Variants in ABCA1 observed in about 807,000 individuals in gnomAD.
The protein encoded by ABCA1 is ATP binding cassette subfamily A member 1, also known as phospholipid-transporting ATPase ABCA1.
In ABCA1, 133 loss-of-function variants were observed where a neutral mutation model predicts 262.5. That is an observed-to-expected ratio of 0.51 (90% CI 0.44 to 0.59). The LOEUF is 0.59. Among genes scored for constraint, ABCA1 ranks in the 20% least tolerant of loss-of-function variants. The pLI, the probability that ABCA1 is intolerant of heterozygous loss-of-function variation, is 0.00. For synonymous variants in ABCA1, 1,022 were observed against 1,043.5 expected, an observed-to-expected ratio of 0.98 and a Z score of 0.40; for missense variants, 2,452 against 2,777.5, an observed-to-expected ratio of 0.88 and a Z score of 2.63.
intron 36 of ABCA1, 121 bp downstream of exon 36, chr9:104,799,698 A>G: frequency 6.3e-7 from 1 of 1,588,158 alleles, no homozygotes; most frequent in Non-Finnish European, 8.6e-7. Flanking sequence ...ATCAATCCAG[A>G]TTTATCATAA....
intron 17 of ABCA1, 182 bp downstream of exon 17, chr9:104,825,501 C>A: frequency 1.5e-6 from 1 of 680,386 alleles, no homozygotes; most frequent in Non-Finnish European, 2.6e-6. Context: ...GAAACAAGTG[C>A]TGTACAAGTA....
chr9:104,847,928 T>A (rs1327837860), intron 7 of ABCA1, among the ~76,000 whole-genome samples: 3 of 152,214 alleles, frequency 2.0e-5, no homozygotes, highest in Non-Finnish European at 2.9e-5. Context: ...TGTATAGACA[T>A]ACATACACAC....
intron 6 of ABCA1, among the ~76,000 whole-genome samples, chr9:104,860,499 T>C (rs1167755759): frequency 1.3e-5 from 2 of 152,188 alleles, no homozygotes; most frequent in African/African-American, 4.8e-5. Flanking sequence ...TTTTCAAGAA[T>C]AAACATTTCC....
At chr9:104,856,126 A>T in intron 7 of ABCA1, 1 of 1,555,148 alleles carries the variant, frequency 6.4e-7, no homozygotes, top group Admixed American at 1.9e-5. Context: ...CCAAGCAGCA[A>T]TAGAAAAAGG....
chr9:104,814,008 G>A (rs996001069), intron 27 of ABCA1, 110 bp downstream of exon 27: 32 of 1,104,430 alleles, frequency 2.9e-5, no homozygotes, highest in Non-Finnish European at 4.2e-5. Flanking sequence ...TTTGGACTCT[G>A]TAGGGATCTA....
intron 2 of ABCA1, among the ~76,000 whole-genome samples, chr9:104,890,666 A>G (rs1839646860): frequency 1.3e-5 from 2 of 151,942 alleles, no homozygotes; most frequent in South Asian, 2.1e-4. Flanking sequence ...TCCGGAGATC[A>G]TAGCTCACTG....
chr9:104,901,193 A>C (rs1840636498), intron 2 of ABCA1, among the ~76,000 whole-genome samples: 1 of 152,102 alleles, frequency 6.6e-6, no homozygotes, highest in South Asian at 2.1e-4. Flanking sequence ...AAGCAGCTGC[A>C]AAAAAATAAA....
chr9:104,927,624 C>T (rs1339139545), intron 1 of ABCA1: 1 of 152,428 alleles, frequency 6.6e-6, no homozygotes, highest in Non-Finnish European at 1.5e-5. Flanking sequence ...CAGCAGCGCC[C>T]TCAGCACGCC....
rs548587801 is a variant in ABCA1 at position 104,897,698 on chromosome 9, G to A, written c.66+5916C>T. ...GCTCACTGCAACTTCCACCTGCCAGGTTCAAGCAAATTCTCCTGCCTCACC... is the reference window on the plus strand; with the variant it reads ...GCTCACTGCAACTTCCACCTGCCAGATTCAAGCAAATTCTCCTGCCTCACC... On this transcript the variant is annotated intron_variant, in intron 2 of 49. Transcript: ENST00000374736. Among the ~76,000 whole-genome samples, 4 of 152,292 alleles carry A rather than the reference G, an allele frequency of 2.6e-5. No individual in the cohort carries two copies. The South Asian group carries it at 8.3e-4, about 32-fold the overall frequency.
intron 1 of ABCA1, among the ~76,000 whole-genome samples, chr9:104,926,009 C>T (rs975543528): frequency 8.3e-6 from 1 of 120,894 alleles, no homozygotes; most frequent in Non-Finnish European, 1.7e-5. Flanking sequence ...TTCTAAACTA[C>T]GGCCGTTAAA....
At chr9:104,785,316 C>T in intron 49 of ABCA1, 80 bp downstream of exon 49, 2 of 1,570,678 alleles carry the variant, frequency 1.3e-6, no homozygotes, top group Non-Finnish European at 1.7e-6. Context: ...ATACAAACTG[C>T]TCTTGGACCT....
At chr9:104,878,512 C>T (rs1188248239) in intron 5 of ABCA1, among the ~76,000 whole-genome samples, 5 of 152,152 alleles carry the variant, frequency 3.3e-5, no homozygotes, top group African/African-American at 7.2e-5. Context: ...GGGGTTTAGC[C>T]GTGATTTATT....
chr9:104,882,028 T>TAAA (rs557626075), intron 5 of ABCA1, among the ~76,000 whole-genome samples: 954 of 73,698 alleles, frequency 0.013, 51 homozygotes, highest in Non-Finnish European at 0.018. Context: ...TCTGTAGCCT[T>TAAA]AAAAAAAAAA....
intron 2 of ABCA1, among the ~76,000 whole-genome samples, chr9:104,893,962 T>C (rs1839990041): frequency 6.6e-6 from 1 of 152,212 alleles, no homozygotes; most frequent in African/African-American, 2.4e-5. Flanking sequence ...GTGTATCTCA[T>C]CTCCAGTATT....
rs1266215214 is a variant in ABCA1, at chr9:104,802,274, G to A, written c.4593-115C>T. 4.2e-6 allele frequency: 4 copies of A among 961,404 alleles called. No individual in the cohort carries two copies. In the African/African-American group the frequency reaches 4.9e-5, roughly 12 times the overall value. 59.6% of individuals were successfully genotyped at this position (961,404 alleles called of 1,614,324 possible). ...TGAGTCAAATTCCTGTTCAAAGGAG[G>A]GCTAAATTTTGCCTCAGAGAAGTTA... is the stretch of plus-strand genomic sequence containing the variant. On this transcript the variant is annotated intron_variant, in intron 33 of 49. Coordinates refer to ENST00000374736, the MANE Select transcript of ABCA1 (RefSeq NM_005502.4).
rs1833372522 is a variant in ABCA1 at position 104,831,932 on chromosome 9, A to G, written c.1510-105T>C. On this transcript the variant is annotated intron_variant, in intron 12 of 49. Coordinates refer to ENST00000374736, the MANE Select transcript of ABCA1 (RefSeq NM_005502.4). ...GCAAGGGCTGACTACACGATTGCTC[A>G]TCCTCTCTCTCTAATCCTCTCTAAC... is the stretch of plus-strand genomic sequence containing the variant. 2.8e-6 allele frequency: 3 copies of G among 1,053,054 alleles called. No individual in the cohort carries two copies. In the South Asian group the frequency reaches 3.8e-5, roughly 13 times the overall value. The allele number at this position is 1,053,054 out of a possible 1,614,324, so 65.2% of individuals were successfully genotyped here.
chr9:104,796,679 A>G (rs907485240), intron 37 of ABCA1, among the ~76,000 whole-genome samples: 2 of 152,162 alleles, frequency 1.3e-5, no homozygotes, highest in South Asian at 2.1e-4. Flanking sequence ...CACACTCAGT[A>G]AACTTACTGA....
chr9:104,801,732 C>T (rs958822149), intron 34 of ABCA1, among the ~76,000 whole-genome samples: 10 of 152,012 alleles, frequency 6.6e-5, no homozygotes, highest in Non-Finnish European at 1.0e-4. Flanking sequence ...TTAGTAGATA[C>T]GGGGTTTTGT....
chr9:104,816,233 T>C lies in ABCA1; in HGVS notation c.3648A>G (p.Gly1216=), dbSNP rs1486580268. The C allele has an allele frequency of 6.2e-7, 1 of 1,614,004 alleles. No homozygotes were observed. Among genetic ancestry groups the C allele is most frequent in the Non-Finnish European group, 8.5e-7 (1 of 1,180,004 alleles). The change falls in exon 25 of 50, where the codon GGA becomes GGG. Residue 1216 remains glycine (G), a synonymous_variant. Transcript: ENST00000374736. ...YVLPYEAAKE[G]AFVELFHEID... ...TCTCATGAAAGAGTTCCACAAAGGC[T>C]CCCTCCTTAGCAGCTTCATATGGCA...
Sources: gnomAD v4.1 joint callset for allele counts (sites outside exome capture counted in the v4.1 genomes callset) on GRCh38, gnomAD v4.1.1 for gene constraint, MANE v1.5 for transcripts, NCBI Gene and HGNC (gene_info 2026-07-23, HGNC 2026-07-21) for gene names.